ADARB2: variants seen among roughly 807,000 people sequenced by gnomAD.
ADARB2 encodes the protein adenosine deaminase RNA specific B2 (inactive), also known as inactive double-stranded RNA-specific editase B2.
ADARB2 carries 25 observed loss-of-function variants against 62.2 expected under a neutral mutation model. That is an observed-to-expected ratio of 0.40 (90% confidence interval 0.29 to 0.56). The LOEUF (loss-of-function observed/expected upper bound fraction) is 0.56, where lower values mean the gene tolerates loss of function less well. ADARB2 is among the 20% of genes least tolerant of loss of function. The pLI is 0.43. For missense variants in ADARB2, 1,071 were observed against 1,077.4 expected, an observed-to-expected ratio of 0.99 and a Z score of 0.08; for synonymous variants, 572 against 500.8, an observed-to-expected ratio of 1.14 and a Z score of -1.90.
intron 1 of ADARB2, among the ~76,000 whole-genome samples, chr10:1,710,407 T>C (rs1423245241): frequency 2.0e-5 from 3 of 152,238 alleles, no homozygotes; most frequent in Non-Finnish European, 4.4e-5. Flanking sequence ...ATATAATGGA[T>C]AAGCAAAAGC....
chr10:1,678,125 G>A (rs4880530), intron 1 of ADARB2: 68,420 of 982,416 alleles, frequency 0.07, 2,483 homozygotes, highest in Middle Eastern at 0.089. Context: ...CAAAGGAATG[G>A]GTGAGTGCAG....
chr10:1,260,574 A>G (rs912338452), intron 4 of ADARB2, among the ~76,000 whole-genome samples: 170 of 151,986 alleles, frequency 1.1e-3, no homozygotes, highest in African/African-American at 3.7e-3. Context: ...ACAATAAAAT[A>G]CCTAGGAATC....
chr10:1,671,255 T>C (rs1205405821), intron 1 of ADARB2, among the ~76,000 whole-genome samples: 1 of 152,212 alleles, frequency 6.6e-6, no homozygotes, highest in Non-Finnish European at 1.5e-5. Flanking sequence ...CCCAGAGGTC[T>C]GTGCTCCGCT....
At chr10:1,323,410 T>C (rs1232274696) in intron 3 of ADARB2, among the ~76,000 whole-genome samples, 1 of 152,202 alleles carries the variant, frequency 6.6e-6, no homozygotes, top group Non-Finnish European at 1.5e-5. Context: ...AATTGACCTA[T>C]AGTGTGGTGC....
At chr10:1,643,982 C>T (rs1249613093) in intron 1 of ADARB2, among the ~76,000 whole-genome samples, 1 of 152,136 alleles carries the variant, frequency 6.6e-6, no homozygotes, top group African/African-American at 2.4e-5. Flanking sequence ...GCTTCATTAC[C>T]GAATCGCACG....
intron 3 of ADARB2, among the ~76,000 whole-genome samples, chr10:1,358,609 C>T (rs532304970): frequency 6.7e-6 from 1 of 149,050 alleles, no homozygotes; most frequent in Non-Finnish European, 1.5e-5. Flanking sequence ...ATAATTCTTA[C>T]AAGGCTGTGT....
intron 7 of ADARB2, among the ~76,000 whole-genome samples, chr10:1,206,291 G>A (rs1206226090): frequency 1.3e-5 from 2 of 152,164 alleles, no homozygotes; most frequent in Non-Finnish European, 2.9e-5. Flanking sequence ...CTGCGCGGGG[G>A]CCACGCTCTC....
chr10:1,296,522 C>T (rs1049538555), intron 3 of ADARB2, among the ~76,000 whole-genome samples: 2 of 152,174 alleles, frequency 1.3e-5, no homozygotes, highest in Admixed American at 6.5e-5. Context: ...AATTGAGGGA[C>T]AGGCCTGGTG....
At chr10:1,524,650 C>T (rs1386951245) in intron 1 of ADARB2, among the ~76,000 whole-genome samples, 1 of 152,196 alleles carries the variant, frequency 6.6e-6, no homozygotes, top group Non-Finnish European at 1.5e-5. Context: ...TGTAGGCAGA[C>T]ACTTTCCTCA....
intron 7 of ADARB2, among the ~76,000 whole-genome samples, chr10:1,210,958 C>G (rs925282993): frequency 6.6e-6 from 1 of 152,182 alleles, no homozygotes; most frequent in African/African-American, 2.4e-5. Flanking sequence ...AACGCGGAGG[C>G]TGTACTTGCC....
At chr10:1,607,968 C>T (rs1465609061) in intron 1 of ADARB2, among the ~76,000 whole-genome samples, 1 of 152,234 alleles carries the variant, frequency 6.6e-6, no homozygotes, top group African/African-American at 2.4e-5. Context: ...ACACCCCACA[C>T]AACAGTGTGC....
chr10:1,505,602 G>A (rs993457824), intron 1 of ADARB2, among the ~76,000 whole-genome samples: 2 of 152,104 alleles, frequency 1.3e-5, no homozygotes, highest in East Asian at 1.9e-4. Flanking sequence ...CCAGCCAGGC[G>A]CGTCAGCCGC....
intron 1 of ADARB2, among the ~76,000 whole-genome samples, chr10:1,658,461 TTC>T (rs758412015): frequency 2.0e-5 from 3 of 152,130 alleles, no homozygotes; most frequent in South Asian, 2.1e-4. Flanking sequence ...TGTATCTCTT[TTC>T]TCTCTCTGTC....
intron 6 of ADARB2, among the ~76,000 whole-genome samples, chr10:1,223,821 T>G (rs1407798699): frequency 2.6e-5 from 4 of 152,208 alleles, no homozygotes; most frequent in African/African-American, 9.7e-5. Context: ...TGGATTCGTT[T>G]TGCCCGTATT....
intron 1 of ADARB2, among the ~76,000 whole-genome samples, chr10:1,533,182 G>A (rs1238862295): frequency 6.6e-6 from 1 of 151,192 alleles, no homozygotes; most frequent in Non-Finnish European, 1.5e-5. Flanking sequence ...GCAGTGGGGT[G>A]ATCTCGGCTC....
chr10:1,531,909 G>A (rs1832247916), intron 1 of ADARB2, among the ~76,000 whole-genome samples: 4 of 152,128 alleles, frequency 2.6e-5, no homozygotes, highest in South Asian at 4.1e-4. Context: ...GTCCACATCC[G>A]GTGTCTGATT....
chr10:1,686,558 G>A (rs186881439), intron 1 of ADARB2, among the ~76,000 whole-genome samples: 4 of 152,294 alleles, frequency 2.6e-5, no homozygotes, highest in South Asian at 2.1e-4. Flanking sequence ...GTAGCCGAAC[G>A]TTCCCTCGTC....
At chr10:1,636,664 A>C (rs1833920097) in intron 1 of ADARB2, among the ~76,000 whole-genome samples, 1 of 151,568 alleles carries the variant, frequency 6.6e-6, no homozygotes, top group Admixed American at 6.6e-5. Context: ...TACTTATTCA[A>C]TTTTTATATA....
chr10:1,616,263 C>T (rs1464205687), intron 1 of ADARB2, among the ~76,000 whole-genome samples: 1 of 152,202 alleles, frequency 6.6e-6, no homozygotes, highest in Non-Finnish European at 1.5e-5. Flanking sequence ...ACTACTGCTG[C>T]TAGAACTTTG....
Sources: allele counts gnomAD v4.1 joint callset (sites outside exome capture counted in the v4.1 genomes callset), GRCh38; gene constraint gnomAD v4.1.1; transcripts MANE v1.5; gene names NCBI Gene and HGNC (gene_info 2026-07-23, HGNC 2026-07-21).